The following SVEP1 variants were observed in gnomAD, a reference collection of about 807,000 sequenced individuals.
SVEP1 encodes sushi, von Willebrand factor type A, EGF and pentraxin domain-containing protein 1.
In SVEP1, 164 loss-of-function variants were observed where a neutral mutation model predicts 367.3. The ratio of observed to expected loss-of-function variants is 0.45; its 90% CI spans 0.39 to 0.51. The LOEUF (loss-of-function observed/expected upper bound fraction) is 0.51. Among genes scored for constraint, SVEP1 ranks in the 20% least tolerant of loss-of-function variants. The pLI is 0.00. For synonymous variants in SVEP1, 1,666 were observed against 1,611.6 expected, an observed-to-expected ratio of 1.03 and a Z score of -0.81; for missense variants, 4,117 against 4,425.3, an observed-to-expected ratio of 0.93 and a Z score of 1.98.
intron 40 of SVEP1, among the ~76,000 whole-genome samples, chr9:110,397,495 G>A (rs1292456288): frequency 6.6e-6 from 1 of 152,084 alleles, no homozygotes; most frequent in Non-Finnish European, 1.5e-5. Context: ...TCTGGCCAGG[G>A]CAATCAGGCA....
intron 42 of SVEP1, among the ~76,000 whole-genome samples, 164 bp downstream of exon 42, chr9:110,387,121 A>C (rs568046378): frequency 2.0e-5 from 3 of 152,254 alleles, no homozygotes; most frequent in African/African-American, 4.8e-5. Flanking sequence ...AGATAACACA[A>C]ACATATTTTT....
At chr9:110,499,933 G>A (rs564808981) in intron 6 of SVEP1, among the ~76,000 whole-genome samples, 1 of 152,324 alleles carries the variant, frequency 6.6e-6, no homozygotes, top group Admixed American at 6.5e-5. Context: ...TATTGGAATA[G>A]CTGAATAAAT....
intron 2 of SVEP1, 24 bp from the exon 3 acceptor site, chr9:110,546,315 G>T: frequency 2.6e-6 from 4 of 1,543,262 alleles, no homozygotes; most frequent in Admixed American, 2.0e-5. Context: ...ATGACAGAGG[G>T]CGATAAAAAT....
rs577892937 is a variant in SVEP1, at chr9:110,517,678, C to T, written c.965-3572G>A. ...GCCTCAGCTGCTTGGGAGGCTAAGG[C>T]GCTGCAATGAGCTACAATTGCACCA... On this transcript the variant is annotated intron_variant, in intron 3 of 47. Transcript: ENST00000374469. 1.1e-4 allele frequency among the ~76,000 whole-genome samples: 16 copies of T among 140,928 alleles called. 1 individual carries two copies. In the South Asian group the frequency reaches 2.5e-3, roughly 22 times the overall value. 92.5% of individuals were successfully genotyped at this position (140,928 alleles called of 152,430 possible).
chr9:110,468,486 TAGG>T, intron 17 of SVEP1, among the ~76,000 whole-genome samples: 1 of 152,304 alleles, frequency 6.6e-6, no homozygotes, highest in East Asian at 1.9e-4. Context: ...TTCTTTCCTT[TAGG>T]AGATCATAAA....
At chr9:110,380,327 G>A (rs1179630610) in intron 43 of SVEP1, among the ~76,000 whole-genome samples, 1 of 152,118 alleles carries the variant, frequency 6.6e-6, no homozygotes, top group Non-Finnish European at 1.5e-5. Context: ...TGAATGAAGA[G>A]TCCTTATAAG....
intron 2 of SVEP1, among the ~76,000 whole-genome samples, chr9:110,548,003 C>T (rs1830241422): frequency 6.6e-6 from 1 of 152,140 alleles, no homozygotes; most frequent in Admixed American, 6.5e-5. Flanking sequence ...TCCATCAGGA[C>T]AGAAGTCTCC....
intron 5 of SVEP1, among the ~76,000 whole-genome samples, chr9:110,505,070 A>T (rs1829603468): frequency 6.6e-6 from 1 of 152,126 alleles, no homozygotes; most frequent in East Asian, 1.9e-4. Flanking sequence ...CAGCCTCAAC[A>T]TCACCATCAG....
At chr9:110,474,911 T>C (rs1278068257) in intron 14 of SVEP1, among the ~76,000 whole-genome samples, 1 of 151,656 alleles carries the variant, frequency 6.6e-6, no homozygotes, top group East Asian at 1.9e-4. Flanking sequence ...AACTAAGAAT[T>C]TGTGTTCAAA....
chr9:110,410,961 A>C lies in SVEP1; in HGVS notation c.6648+102T>G. 3 of 1,003,552 alleles carry C rather than the reference A, an allele frequency of 3.0e-6. No individual in the cohort carries two copies. In the East Asian group the frequency reaches 8.2e-5, roughly 27 times the overall value. 62.2% of individuals were successfully genotyped at this position (1,003,552 alleles called of 1,614,324 possible). ...TAGTAAATTCCAGTTTCCATGCCTT[A>C]GTGAACTTGGCAGTGTTTGGACTCA... is the stretch of plus-strand genomic sequence containing the variant. On this transcript the variant is annotated intron_variant, in intron 37 of 47. Transcript: ENST00000374469.
At position 110,546,141 on chromosome 9, in the gene SVEP1, C is replaced by A; in HGVS notation, c.938G>T (p.Gly313Val). Residue 313 changes from glycine to valine, a missense_variant, in exon 3 of 48, where the codon GGG becomes GTG. Gly to Val is a moderately radical substitution (Grantham distance 109, BLOSUM62 -3). Around this residue, in one of 4 missense-constraint regions of SVEP1, gnomAD observed 2,174 missense variants for 2,494.3 expected, o/e 0.87. Coordinates refer to ENST00000374469, the MANE Select transcript of SVEP1 (RefSeq NM_153366.4). ...TGTGCATTCATACTGCAGACCTTTC[C>A]CGTAATACCCCTTTTCACAGATGCA... ...FECICEKGYY[G>V]KGLQYECTAC... is the part of the protein sequence containing the mutation. 6.4e-7 allele frequency: 1 copy of A among 1,552,780 alleles called. No homozygotes were observed. Among genetic ancestry groups the A allele is most frequent in the Non-Finnish European group, 8.7e-7 (1 of 1,147,364 alleles).
chr9:110,501,507 T>TG (rs74983082), intron 6 of SVEP1, among the ~76,000 whole-genome samples: 25,182 of 151,062 alleles, frequency 0.17, 2,558 homozygotes, highest in Admixed American at 0.25. Flanking sequence ...TATTTTGTTG[T>TG]GGGGGGGGCA....
intron 18 of SVEP1, among the ~76,000 whole-genome samples, chr9:110,460,300 GTT>G (rs1306342689): frequency 6.9e-6 from 1 of 144,658 alleles, no homozygotes; most frequent in African/African-American, 2.6e-5. Context: ...TGAATTTTGA[GTT>G]TTTTTGTTCA....
intron 18 of SVEP1, among the ~76,000 whole-genome samples, chr9:110,461,389 C>T (rs964252146): frequency 1.3e-5 from 2 of 152,162 alleles, no homozygotes; most frequent in Non-Finnish European, 2.9e-5. Flanking sequence ...AATACTAAGA[C>T]TTGTCTGCAT....
At chr9:110,412,177 A>G (rs1337456869) in intron 36 of SVEP1, among the ~76,000 whole-genome samples, 1 of 152,240 alleles carries the variant, frequency 6.6e-6, no homozygotes, top group African/African-American at 2.4e-5. Context: ...TGACTCAAAT[A>G]TGGAATTCTA....
chr9:110,502,297 G>A (rs756651635), intron 6 of SVEP1, among the ~76,000 whole-genome samples: 2 of 151,822 alleles, frequency 1.3e-5, no homozygotes, highest in African/African-American at 4.8e-5. Flanking sequence ...TAGAGACAGC[G>A]TTTCACCATG....
At chr9:110,423,703 A>G (rs749237123) in intron 36 of SVEP1, among the ~76,000 whole-genome samples, 2 of 152,216 alleles carry the variant, frequency 1.3e-5, no homozygotes, top group Non-Finnish European at 2.9e-5. Flanking sequence ...AAGGCACCAT[A>G]GAGTAAAAAC....
intron 3 of SVEP1, among the ~76,000 whole-genome samples, chr9:110,522,433 G>C (rs1829887147): frequency 6.6e-6 from 1 of 152,184 alleles, no homozygotes; most frequent in South Asian, 2.1e-4. Flanking sequence ...CTTTATAGAT[G>C]CTGGATTGTG....
chr9:110,386,924 A>T (rs998472391), intron 42 of SVEP1, among the ~76,000 whole-genome samples: 1 of 152,018 alleles, frequency 6.6e-6, no homozygotes, highest in Non-Finnish European at 1.5e-5. Context: ...TATTAACATC[A>T]CATATTAAAT....
Sources: gnomAD v4.1 joint callset for allele counts (sites outside exome capture counted in the v4.1 genomes callset) on GRCh38, gnomAD v4.1.1 for gene constraint, gnomAD v4.1.1 regional missense constraint, MANE v1.5 for transcripts, NCBI Gene and HGNC (gene_info 2026-07-23, HGNC 2026-07-21) for gene names.